Variants in MAPK10 observed in about 807,000 individuals in gnomAD.
MAPK10 encodes JNK3 alpha protein kinase.
MAPK10 carries 25 observed loss-of-function variants against 59.3 expected under a neutral mutation model. The ratio of observed to expected loss-of-function variants is 0.42; its 90% CI spans 0.31 to 0.59. The LOEUF (loss-of-function observed/expected upper bound fraction) is 0.59, where lower values mean the gene tolerates loss of function less well. Among genes scored for constraint, MAPK10 ranks in the 20% least tolerant of loss-of-function variants. The pLI, the probability that MAPK10 is intolerant of heterozygous loss-of-function variation, is 0.15. For missense variants in MAPK10, 351 were observed against 568.9 expected, an observed-to-expected ratio of 0.62 and a Z score of 3.90; for synonymous variants, 190 against 200.5, an observed-to-expected ratio of 0.95 and a Z score of 0.44.
chr4:86,148,932 T>C (rs1232929605), intron 4 of MAPK10, among the ~76,000 whole-genome samples: 1 of 152,056 alleles, frequency 6.6e-6, no homozygotes, highest in Admixed American at 6.5e-5. Flanking sequence ...ATTTGAAGGG[T>C]AGAGACAGAT....
intron 1 of MAPK10, among the ~76,000 whole-genome samples, chr4:86,530,178 G>A (rs1757758068): frequency 1.3e-5 from 2 of 150,972 alleles, no homozygotes; most frequent in Admixed American, 1.3e-4. Context: ...AATACAAGCA[G>A]TCTGACATTT....
At chr4:86,530,670 G>A (rs1431022129) in intron 1 of MAPK10, among the ~76,000 whole-genome samples, 1 of 152,048 alleles carries the variant, frequency 6.6e-6, no homozygotes, top group Non-Finnish European at 1.5e-5. Flanking sequence ...AAGCTCTCTG[G>A]AGCCTCTGTT....
chr4:86,289,215 G>C (rs2095138060), intron 2 of MAPK10, among the ~76,000 whole-genome samples: 1 of 152,168 alleles, frequency 6.6e-6, no homozygotes, highest in Non-Finnish European at 1.5e-5. Flanking sequence ...ATGCTCGGAT[G>C]AGTGTGCAAA....
At chr4:86,588,975 G>C (rs1050883844) in intron 1 of MAPK10, among the ~76,000 whole-genome samples, 5 of 152,084 alleles carry the variant, frequency 3.3e-5, no homozygotes, top group African/African-American at 1.2e-4. Context: ...ATTTGAATAT[G>C]ATACAGAGAG....
chr4:86,264,250 C>T (rs963357421), intron 2 of MAPK10, among the ~76,000 whole-genome samples: 1 of 152,092 alleles, frequency 6.6e-6, no homozygotes, highest in African/African-American at 2.4e-5. Context: ...TTTCCTTTAA[C>T]ATTAAAGTTA....
chr4:86,350,211 C>G (rs1033585052), intron 2 of MAPK10, among the ~76,000 whole-genome samples: 1 of 151,156 alleles, frequency 6.6e-6, no homozygotes, highest in Non-Finnish European at 1.5e-5. Context: ...ACCACCATGT[C>G]CAGATAATTT....
Position 86,013,326 on chromosome 4 carries a change from TTAAAA to T in MAPK10, c.*3897_*3901del, listed in dbSNP as rs1337314472. 2.6e-5 allele frequency: 4 copies of T among 152,208 alleles called. No homozygotes were observed. The highest frequency in any genetic ancestry group is 5.9e-5 in the Non-Finnish European group (4 of 68,042). The allele number at this position is 152,208 out of a possible 1,614,324, so 9.4% of individuals were successfully genotyped here. On this transcript the variant is annotated 3_prime_UTR_variant, in exon 14 of 14. Coordinates refer to ENST00000641462, the MANE Select transcript of MAPK10 (RefSeq NM_138982.4). The stretch of plus-strand genomic sequence containing the variant: ...TGTGGAAAATGTTGAACTCTTATAA[TTAAAA>T]TGTGTGTGGGGGATTGTGAGTGGGG...
intron 2 of MAPK10, among the ~76,000 whole-genome samples, chr4:86,297,300 G>A (rs2095383310): frequency 6.6e-6 from 1 of 151,862 alleles, no homozygotes; most frequent in South Asian, 2.1e-4. Context: ...TAGAGTTTTT[G>A]TTTGTTTGTT....
chr4:86,313,186 T>C (rs1258225470), intron 2 of MAPK10, among the ~76,000 whole-genome samples: 2 of 152,094 alleles, frequency 1.3e-5, no homozygotes, highest in Non-Finnish European at 2.9e-5. Flanking sequence ...CTGCATCCAT[T>C]GAATCTGCAT....
intron 2 of MAPK10, among the ~76,000 whole-genome samples, chr4:86,271,120 T>G (rs2094422078): frequency 6.6e-6 from 1 of 152,162 alleles, no homozygotes; most frequent in East Asian, 1.9e-4. Flanking sequence ...GGTTGTACCA[T>G]TTTATCCTCC....
chr4:86,222,481 C>T (rs2089852663), intron 2 of MAPK10, among the ~76,000 whole-genome samples: 1 of 152,166 alleles, frequency 6.6e-6, no homozygotes, highest in Non-Finnish European at 1.5e-5. Context: ...CCACACTTTG[C>T]CTTAACTTGG....
At chr4:86,221,810 T>C (rs1441763068) in intron 2 of MAPK10, among the ~76,000 whole-genome samples, 1 of 152,156 alleles carries the variant, frequency 6.6e-6, no homozygotes, top group Non-Finnish European at 1.5e-5. Context: ...TCATGTTCAA[T>C]TGTAATCCCT....
chr4:86,094,669 G>A (rs563953774), intron 9 of MAPK10, among the ~76,000 whole-genome samples: 1 of 151,826 alleles, frequency 6.6e-6, no homozygotes, highest in Non-Finnish European at 1.5e-5. Context: ...GTCCTGGTTG[G>A]GGTTTGGGGT....
chr4:86,071,871 G>T (rs1435455224), intron 9 of MAPK10, among the ~76,000 whole-genome samples: 1 of 145,832 alleles, frequency 6.9e-6, no homozygotes, highest in Non-Finnish European at 1.5e-5. Context: ...ACTTGGCAAT[G>T]CGGGCTCTTT....
chr4:86,167,517 T>A (rs1171287026), intron 3 of MAPK10, among the ~76,000 whole-genome samples: 1 of 152,190 alleles, frequency 6.6e-6, no homozygotes, highest in Non-Finnish European at 1.5e-5. Context: ...AAGCTTATCC[T>A]ACACAATCGA....
At chr4:86,113,676 T>C (rs2057883245) in intron 4 of MAPK10, among the ~76,000 whole-genome samples, 1 of 152,038 alleles carries the variant, frequency 6.6e-6, no homozygotes, top group Non-Finnish European at 1.5e-5. Context: ...CCTTGGAGAA[T>C]TTGATTGTGT....
At chr4:86,094,007 G>A (rs1264005046) in intron 9 of MAPK10, among the ~76,000 whole-genome samples, 1 of 151,534 alleles carries the variant, frequency 6.6e-6, no homozygotes, top group African/African-American at 2.4e-5. Context: ...ACTCTGTATT[G>A]TCTTAATTCT....
chr4:86,512,579 T>C (rs1228539614), intron 1 of MAPK10, among the ~76,000 whole-genome samples: 1 of 152,218 alleles, frequency 6.6e-6, no homozygotes, highest in East Asian at 1.9e-4. Context: ...AAACTTATGT[T>C]TCTAAAGAAA....
At chr4:86,150,271 G>C (rs929574543) in intron 4 of MAPK10, among the ~76,000 whole-genome samples, 1 of 152,196 alleles carries the variant, frequency 6.6e-6, no homozygotes, top group Non-Finnish European at 1.5e-5. Flanking sequence ...CATACAGCGT[G>C]ATACAATGGA....
Sources: gnomAD v4.1 joint callset for allele counts (sites outside exome capture counted in the v4.1 genomes callset) on GRCh38, gnomAD v4.1.1 for gene constraint, MANE v1.5 for transcripts, NCBI Gene and HGNC (gene_info 2026-07-23, HGNC 2026-07-21) for gene names.